The following GALNT2 variants were observed in gnomAD, a reference collection of about 807,000 sequenced individuals.
The protein encoded by GALNT2 is polypeptide N-acetylgalactosaminyltransferase 2.
In GALNT2, 31 loss-of-function variants were observed where a neutral mutation model predicts 81.4. The ratio of observed to expected loss-of-function variants is 0.38; its 90% CI spans 0.29 to 0.51. GALNT2 has a LOEUF of 0.51. Among genes scored for constraint, GALNT2 ranks in the 20% least tolerant of loss-of-function variants. The probability of loss-of-function intolerance (pLI) is 0.87; values close to 1 mark genes in which losing one functional copy is unlikely to be tolerated. For missense variants in GALNT2, 629 were observed against 765.7 expected, an observed-to-expected ratio of 0.82 and a Z score of 2.11; for synonymous variants, 303 against 287.4, an observed-to-expected ratio of 1.05 and a Z score of -0.55.
At position 230,180,166 on chromosome 1, in the gene GALNT2, G is replaced by A. The variant is rs541356058; in HGVS notation, c.220+1855G>A. 3.7e-4 allele frequency among the ~76,000 whole-genome samples: 56 copies of A among 152,188 alleles called. No homozygotes were observed. The South Asian group carries it at 7.3e-3, about 20-fold the overall frequency. ...ACTCCTGACCTCAGGTGATCCGCCC[G>A]CCTCGGCCTCCCAAAGTGCTGGAAT... On this transcript the variant is annotated intron_variant, in intron 2 of 15. Coordinates refer to ENST00000366672, the MANE Select transcript of GALNT2 (RefSeq NM_004481.5).
chr1:230,170,593 A>G (rs1662760388), intron 1 of GALNT2, among the ~76,000 whole-genome samples: 1 of 152,216 alleles, frequency 6.6e-6, no homozygotes, highest in African/African-American at 2.4e-5. Context: ...CTATAAAGGA[A>G]TACCTGAGAC....
At chr1:230,190,033 C>CT (rs1387475457) in intron 2 of GALNT2, among the ~76,000 whole-genome samples, 1 of 152,172 alleles carries the variant, frequency 6.6e-6, no homozygotes, top group Non-Finnish European at 1.5e-5. Flanking sequence ...CCGTGTGACA[C>CT]TTGTGGGGAG....
At chr1:230,172,657 G>A (rs543911781) in intron 1 of GALNT2, among the ~76,000 whole-genome samples, 4 of 152,100 alleles carry the variant, frequency 2.6e-5, no homozygotes, top group Non-Finnish European at 5.9e-5. Flanking sequence ...CATCCCCACG[G>A]CGCCTTTCCT....
intron 3 of GALNT2, among the ~76,000 whole-genome samples, chr1:230,233,904 G>C (rs1348854257): frequency 1.3e-5 from 2 of 152,066 alleles, no homozygotes; most frequent in Admixed American, 6.5e-5. Flanking sequence ...TGATGTTTAG[G>C]GGAGATGATT....
intron 3 of GALNT2, among the ~76,000 whole-genome samples, chr1:230,219,906 C>T (rs754895017): frequency 7.9e-5 from 12 of 152,216 alleles, no homozygotes; most frequent in Admixed American, 4.6e-4. Context: ...ACCAGAGCCT[C>T]TGTGCCTGGG....
intron 2 of GALNT2, among the ~76,000 whole-genome samples, chr1:230,196,311 C>T (rs997649408): frequency 1.6e-4 from 25 of 152,176 alleles, no homozygotes; most frequent in African/African-American, 6.0e-4. Context: ...TTTCTTGGAA[C>T]CTTGGCTTGG....
intron 2 of GALNT2, among the ~76,000 whole-genome samples, chr1:230,190,253 T>G (rs956331550): frequency 2.0e-5 from 3 of 152,234 alleles, no homozygotes; most frequent in African/African-American, 7.2e-5. Flanking sequence ...CAACCACCAT[T>G]CCTCTCCCAC....
chr1:230,102,563 A>G (rs1378959450), intron 1 of GALNT2, among the ~76,000 whole-genome samples: 8 of 152,252 alleles, frequency 5.3e-5, no homozygotes, highest in Admixed American at 4.6e-4. Flanking sequence ...TTCCGTTTCG[A>G]GAGTCCTTGA....
chr1:230,165,411 C>T (rs923295355), intron 1 of GALNT2, among the ~76,000 whole-genome samples: 3 of 152,146 alleles, frequency 2.0e-5, no homozygotes, highest in Non-Finnish European at 2.9e-5. Flanking sequence ...TCTGTTTTTT[C>T]TCTTATAAAT....
intron 1 of GALNT2, among the ~76,000 whole-genome samples, chr1:230,144,159 G>A (rs927644776): frequency 2.0e-5 from 3 of 152,290 alleles, no homozygotes; most frequent in South Asian, 2.1e-4. Context: ...AGACGTCTCC[G>A]TGCTGCCTTC....
chr1:230,131,921 T>A (rs1340991064), intron 1 of GALNT2, among the ~76,000 whole-genome samples: 2 of 152,184 alleles, frequency 1.3e-5, no homozygotes, highest in African/African-American at 4.8e-5. Context: ...TGATTAGGCA[T>A]CATTGAAGCC....
intron 3 of GALNT2, among the ~76,000 whole-genome samples, chr1:230,213,315 G>A (rs6541304): frequency 0.57 from 86,430 of 152,082 alleles, 27,235 homozygotes; most frequent in East Asian, 0.89. Flanking sequence ...ACAGAGCTCT[G>A]TTCTTTCTAT....
At chr1:230,241,227 TGTG>T (rs1461936309) in intron 6 of GALNT2, among the ~76,000 whole-genome samples, 3 of 152,200 alleles carry the variant, frequency 2.0e-5, no homozygotes, top group Non-Finnish European at 4.4e-5. Flanking sequence ...TTCTCTTTGA[TGTG>T]GTCTCCATTT....
chr1:230,247,613 C>G (rs1240801487), intron 8 of GALNT2, among the ~76,000 whole-genome samples: 3 of 151,926 alleles, frequency 2.0e-5, no homozygotes, highest in Admixed American at 6.6e-5. Context: ...TTGTATTTCC[C>G]CAAGTATTCG....
At position 230,229,868 on chromosome 1, in the gene GALNT2, A is replaced by G. The variant is rs1664819490; in HGVS notation, c.375-6146A>G. Among the ~76,000 whole-genome samples the G allele has an allele frequency of 2.0e-5, 3 of 152,240 alleles. No individual in the cohort carries two copies. The South Asian group carries it at 6.2e-4, about 32-fold the overall frequency. Reference sequence around the variant, plus strand: ...ATAATTTATGAATACATACATGGGTAGTTTATTTAAAATACACATAGTAAC... The same window carrying G: ...ATAATTTATGAATACATACATGGGTGGTTTATTTAAAATACACATAGTAAC... On this transcript the variant is annotated intron_variant, in intron 3 of 15. Transcript: ENST00000366672.
chr1:230,220,743 T>C (rs1182014756), intron 3 of GALNT2, among the ~76,000 whole-genome samples: 1 of 152,190 alleles, frequency 6.6e-6, no homozygotes, highest in Non-Finnish European at 1.5e-5. Context: ...TGGTCCATTC[T>C]TGGGCTTAAT....
At chr1:230,278,008 A>G (rs532589045) in intron 15 of GALNT2, among the ~76,000 whole-genome samples, 3 of 130,564 alleles carry the variant, frequency 2.3e-5, no homozygotes, top group African/African-American at 6.7e-5. Flanking sequence ...AGAACCACAG[A>G]CTTCATTATT....
At chr1:230,141,788 CTTTTTTTTTTTTTT>C (rs60824749) in intron 1 of GALNT2, among the ~76,000 whole-genome samples, 10 of 101,326 alleles carry the variant, frequency 9.9e-5, no homozygotes, top group Admixed American at 2.6e-4. Context: ...TTTTGTTTTC[CTTTTTTTTTTTTTT>C]TTTTTTTTGA....
rs964527826 is a variant in GALNT2 at position 230,280,296 on chromosome 1, C to G, written c.*838C>G. On this transcript the variant is annotated 3_prime_UTR_variant, in exon 16 of 16. Coordinates refer to ENST00000366672, the MANE Select transcript of GALNT2 (RefSeq NM_004481.5). ...TTCCTCCAGACCACCGGCCTCGGCCCCGGCATCCCTGTTGGGCGTCAGCCT... is the reference window on the plus strand; with the variant it reads ...TTCCTCCAGACCACCGGCCTCGGCCGCGGCATCCCTGTTGGGCGTCAGCCT... 3.4e-6 allele frequency: 1 copy of G among 297,930 alleles called. No homozygotes were observed. The highest frequency in any genetic ancestry group is 6.7e-6 in the Non-Finnish European group (1 of 149,708). 18.5% of individuals were successfully genotyped at this position (297,930 alleles called of 1,614,324 possible).
Sources: allele counts gnomAD v4.1 joint callset (sites outside exome capture counted in the v4.1 genomes callset), GRCh38; gene constraint gnomAD v4.1.1; transcripts MANE v1.5; gene names NCBI Gene and HGNC (gene_info 2026-07-23, HGNC 2026-07-21).